Variants in NEXMIF observed in about 807,000 individuals in gnomAD.
NEXMIF encodes neurite extension and migration factor.
Under a neutral mutation model 62.1 loss-of-function variants are expected in NEXMIF, and 8 were observed. That is an observed-to-expected ratio of 0.13 (90% CI 0.08 to 0.23). The LOEUF is 0.23. Among genes scored for constraint, NEXMIF ranks in the 10% least tolerant of loss-of-function variants. The pLI, the probability that NEXMIF is intolerant of heterozygous loss-of-function variation, is 1.00. For missense variants in NEXMIF, 976 were observed against 1,113.3 expected (o/e 0.88, Z 1.75); for synonymous variants, 404 against 416.6 (o/e 0.97, Z 0.37).
chrX:74,879,639 T>G (rs777337661), intron 1 of NEXMIF, among the ~76,000 whole-genome samples: 29 of 112,244 alleles, frequency 2.6e-4, no homozygotes, highest in African/African-American at 9.1e-4. Context: ...AAGAATGTAC[T>G]GACATTTGGA....
chrX:74,877,475 T>C (rs950455131), intron 1 of NEXMIF, among the ~76,000 whole-genome samples: 1 of 110,893 alleles, frequency 9.0e-6, no homozygotes, highest in African/African-American at 3.3e-5. Context: ...TGTCTTGGAG[T>C]TGCTCTTCTC....
At chrX:74,822,804 T>G (rs938231043) in intron 1 of NEXMIF, among the ~76,000 whole-genome samples, 1 of 112,126 alleles carries the variant, frequency 8.9e-6, no homozygotes, top group Non-Finnish European at 1.9e-5. Flanking sequence ...GCAACTGCTT[T>G]AGAAAACAGT....
chrX:74,842,685 C>T (rs762357723), intron 1 of NEXMIF, among the ~76,000 whole-genome samples: 6 of 112,094 alleles, frequency 5.4e-5, no homozygotes, highest in Non-Finnish European at 1.1e-4. Flanking sequence ...GATTCTCATT[C>T]TTTTCAAAGA....
At chrX:74,873,122 C>A (rs1230366991) in intron 1 of NEXMIF, among the ~76,000 whole-genome samples, 1 of 110,176 alleles carries the variant, frequency 9.1e-6, no homozygotes, top group South Asian at 3.9e-4. Flanking sequence ...GTATATCTCC[C>A]AATGCTATCC....
chrX:74,799,128 G>A (rs1490785305), intron 1 of NEXMIF, among the ~76,000 whole-genome samples: 2 of 111,354 alleles, frequency 1.8e-5, no homozygotes, highest in East Asian at 5.6e-4. Context: ...GCCTCCCAAA[G>A]TGCTGGAATT....
At chrX:74,869,735 A>G (rs371759901) in intron 1 of NEXMIF, among the ~76,000 whole-genome samples, 1 of 112,122 alleles carries the variant, frequency 8.9e-6, no homozygotes, top group East Asian at 2.8e-4. Flanking sequence ...AAATAAAATT[A>G]AATACCTAGG....
chrX:74,922,377 C>T (rs145516971), intron 1 of NEXMIF, among the ~76,000 whole-genome samples: 345 of 110,900 alleles, frequency 3.1e-3, no homozygotes, highest in African/African-American at 0.011. Flanking sequence ...TGTGAAAAAG[C>T]ACTGATGCAT....
chrX:74,850,962 CAA>C lies in NEXMIF; in HGVS notation c.-48+73919_-48+73920del, dbSNP rs771595418. 1.4e-3 allele frequency among the ~76,000 whole-genome samples: 150 copies of C among 108,465 alleles called. 2 individuals are homozygous for C. The highest frequency in any genetic ancestry group is 1.7e-3 in the Non-Finnish European group (88 of 52,287). The allele number at this position is 108,465 out of a possible 115,157, so 94.2% of individuals were successfully genotyped here. On this transcript the variant is annotated intron_variant, in intron 1 of 3. Transcript: ENST00000055682. ...AGACAAGAGAACCTCATAAACAGCACAAAAAAATCAGAAAAACAATTCAGTAT... is the reference window on the plus strand; with the variant it reads ...AGACAAGAGAACCTCATAAACAGCACAAAAATCAGAAAAACAATTCAGTAT...
chrX:74,783,447 T>A (rs2080252147), intron 1 of NEXMIF, among the ~76,000 whole-genome samples: 2 of 111,638 alleles, frequency 1.8e-5, no homozygotes, highest in Non-Finnish European at 3.8e-5. Flanking sequence ...TCTCTGTCAT[T>A]TTCTGCTAGC....
intron 1 of NEXMIF, among the ~76,000 whole-genome samples, chrX:74,859,264 G>A (rs1251538968): frequency 8.9e-6 from 1 of 111,908 alleles, no homozygotes; most frequent in Non-Finnish European, 1.9e-5. Context: ...AAAGCAGCAA[G>A]AGAAAAGAAA....
intron 1 of NEXMIF, among the ~76,000 whole-genome samples, chrX:74,914,527 A>G (rs1163218637): frequency 9.0e-6 from 1 of 111,198 alleles, no homozygotes; most frequent in African/African-American, 3.3e-5. Flanking sequence ...CAAAAATTAG[A>G]AAAATTGACC....
chrX:74,823,693 A>AAGAC (rs1228980013), intron 1 of NEXMIF, among the ~76,000 whole-genome samples: 16 of 88,302 alleles, frequency 1.8e-4, no homozygotes, highest in African/African-American at 5.9e-4. Context: ...GAGACAGAGA[A>AAGAC]AGACAGATAG....
intron 1 of NEXMIF, among the ~76,000 whole-genome samples, chrX:74,751,086 C>T (rs1258444544): frequency 1.8e-5 from 2 of 110,740 alleles, no homozygotes; most frequent in Non-Finnish European, 3.8e-5. Flanking sequence ...AAACATTAGC[C>T]GGGCATGGTG....
At chrX:74,873,601 C>T (rs2080613816) in intron 1 of NEXMIF, among the ~76,000 whole-genome samples, 1 of 111,566 alleles carries the variant, frequency 9.0e-6, no homozygotes, top group Non-Finnish European at 1.9e-5. Flanking sequence ...GTTTACAGTC[C>T]CACCAACAGT....
intron 1 of NEXMIF, among the ~76,000 whole-genome samples, chrX:74,832,809 C>A (rs1212005922): frequency 9.0e-6 from 1 of 111,301 alleles, no homozygotes; most frequent in African/African-American, 3.3e-5. Flanking sequence ...TTTTTGTATG[C>A]TGTGTTTCCA....
At chrX:74,845,053 A>T (rs889658638) in intron 1 of NEXMIF, among the ~76,000 whole-genome samples, 30 of 112,363 alleles carry the variant, frequency 2.7e-4, no homozygotes, top group African/African-American at 9.1e-4. Context: ...AAGAGAATTA[A>T]TGATTATGTA....
At chrX:74,816,219 T>C (rs1218326008) in intron 1 of NEXMIF, among the ~76,000 whole-genome samples, 1 of 112,158 alleles carries the variant, frequency 8.9e-6, no homozygotes, top group Non-Finnish European at 1.9e-5. Flanking sequence ...AGTTACTTTA[T>C]ATTGTTTTTC....
At chrX:74,757,150 G>A (rs987968212) in intron 1 of NEXMIF, among the ~76,000 whole-genome samples, 1 of 112,116 alleles carries the variant, frequency 8.9e-6, no homozygotes, top group Non-Finnish European at 1.9e-5. Context: ...AAATTTAAAT[G>A]TAAATTAATT....
chrX:74,828,263 C>A (rs1173686140), intron 1 of NEXMIF, among the ~76,000 whole-genome samples: 1 of 111,548 alleles, frequency 9.0e-6, no homozygotes, highest in Non-Finnish European at 1.9e-5. Context: ...GAAAAGAAAA[C>A]AGGGCTTAAA....
Sources: allele counts gnomAD v4.1 joint callset (sites outside exome capture counted in the v4.1 genomes callset), GRCh38; gene constraint gnomAD v4.1.1; transcripts MANE v1.5; gene names NCBI Gene and HGNC (gene_info 2026-07-23, HGNC 2026-07-21).